RUFY1: variants seen among roughly 807,000 people sequenced by gnomAD.
The protein encoded by RUFY1 is RUN and FYVE domain-containing protein 1.
Under a neutral mutation model 94.6 loss-of-function variants are expected in RUFY1, and 54 were observed. The ratio of observed to expected loss-of-function variants is 0.57; its 90% CI spans 0.46 to 0.72. RUFY1 has a LOEUF of 0.72. RUFY1 is among the 30% of genes least tolerant of loss of function. RUFY1 has a pLI of 0.00. For synonymous variants in RUFY1, 396 were observed against 347.3 expected, an observed-to-expected ratio of 1.14 and a Z score of -1.56; for missense variants, 883 against 883.9, an observed-to-expected ratio of 1.00 and a Z score of 0.01.
intron 6 of RUFY1, among the ~76,000 whole-genome samples, chr5:179,577,756 C>CGGT (rs1164482621): frequency 6.7e-6 from 1 of 150,088 alleles, no homozygotes; most frequent in Non-Finnish European, 1.5e-5. Flanking sequence ...TCACACTCAC[C>CGGT]GGTGGTCGGG....
chr5:179,575,130 A>G (rs921270711), intron 5 of RUFY1, among the ~76,000 whole-genome samples: 2 of 147,466 alleles, frequency 1.4e-5, no homozygotes, highest in Admixed American at 1.4e-4. Context: ...TTTTCTATAC[A>G]TTTATGTTCA....
chr5:179,550,975 C>G, intron 1 of RUFY1, 96 bp downstream of exon 1: 1 of 951,258 alleles, frequency 1.1e-6, no homozygotes, highest in Non-Finnish European at 1.3e-6. Context: ...GGGCACTGGC[C>G]GTTCCGGGAG....
intron 1 of RUFY1, among the ~76,000 whole-genome samples, chr5:179,559,468 GC>G (rs1762274108): frequency 1.3e-5 from 2 of 152,220 alleles, no homozygotes; most frequent in Non-Finnish European, 2.9e-5. Flanking sequence ...CAGGCACCCG[GC>G]TGGCACTATC....
chr5:179,608,791 C>A (rs1468783280), intron 17 of RUFY1, among the ~76,000 whole-genome samples: 1 of 151,898 alleles, frequency 6.6e-6, no homozygotes, highest in Non-Finnish European at 1.5e-5. Flanking sequence ...ACTAACCGGG[C>A]ACGGTGGCAG....
At chr5:179,605,375 C>T (rs1766956985) in intron 15 of RUFY1, among the ~76,000 whole-genome samples, 1 of 152,082 alleles carries the variant, frequency 6.6e-6, no homozygotes, top group South Asian at 2.1e-4. Context: ...ATGTTCAGTC[C>T]TGTCTCTTGT....
chr5:179,609,318 G>C (rs1047846659), intron 17 of RUFY1, 58 bp from the exon 18 acceptor site: 2 of 1,574,290 alleles, frequency 1.3e-6, no homozygotes, highest in Non-Finnish European at 1.7e-6. Flanking sequence ...GAAGCAGGGA[G>C]GGTGTGCGGA....
intron 4 of RUFY1, among the ~76,000 whole-genome samples, chr5:179,567,877 C>T (rs1014306091): frequency 1.3e-5 from 2 of 151,922 alleles, no homozygotes; most frequent in African/African-American, 4.8e-5. Context: ...GCACTCCAGC[C>T]TGGGCGACAG....
chr5:179,564,420 G>GT (rs60186448), intron 3 of RUFY1, among the ~76,000 whole-genome samples: 4,164 of 123,606 alleles, frequency 0.034, 151 homozygotes, highest in African/African-American at 0.096. Flanking sequence ...GTGCCTGGCT[G>GT]TTTTTTTTTT....
chr5:179,602,247 C>T (rs1394165949), intron 15 of RUFY1: 1 of 443,086 alleles, frequency 2.3e-6, no homozygotes, highest in African/African-American at 2.0e-5. Context: ...ACTCCTATTC[C>T]TTAGCTTCAT....
intron 7 of RUFY1, among the ~76,000 whole-genome samples, chr5:179,581,922 C>G (rs758663980): frequency 1.3e-5 from 2 of 151,990 alleles, no homozygotes; most frequent in Non-Finnish European, 2.9e-5. Flanking sequence ...TGGGCTCAAG[C>G]AATCCTCCCA....
At chr5:179,576,502 C>T (rs972803507) in intron 5 of RUFY1, among the ~76,000 whole-genome samples, 5 of 152,200 alleles carry the variant, frequency 3.3e-5, no homozygotes, top group South Asian at 4.1e-4. Flanking sequence ...CTCACTGCAA[C>T]TTCCGCCTCC....
In RUFY1 at chr5:179,569,331, T is replaced by G. The variant is rs1483816834; in HGVS notation, c.734T>G (p.Met245Arg). ...SEFYEPEALM[M>R]EEEGMVIVGL... ...TTCTATGAGCCTGAGGCTTTAATGA[T>G]GGAGGAAGAAGGGATGGTGATTGTT... is the stretch of plus-strand genomic sequence containing the variant. Residue 245 changes from methionine (M) to arginine (R), a missense_variant, in exon 5 of 18, where the codon ATG becomes AGG. Physicochemically the swap from Met to Arg is moderately conservative, Grantham distance 91. Transcript: ENST00000319449. 6.2e-7 allele frequency: 1 copy of G among 1,613,748 alleles called. No individual in the cohort carries two copies. The highest frequency in any genetic ancestry group is 8.5e-7 in the Non-Finnish European group (1 of 1,179,972).
chr5:179,553,635 C>CA lies in RUFY1; in HGVS notation c.310+2761dup, dbSNP rs202019753. ...CCTATCTCTACTAAAAAAAAAAGTA[C>CA]AAAAATTAGCCGGGCTTGGTGGTAC... On this transcript the variant is annotated intron_variant, in intron 1 of 17. Transcript: ENST00000319449. Among the ~76,000 whole-genome samples, 939 of 151,274 alleles carry CA rather than the reference C, an allele frequency of 6.2e-3. 8 individuals are homozygous for CA. The highest frequency in any genetic ancestry group is 0.021 in the African/African-American group (879 of 41,202).
intron 6 of RUFY1, among the ~76,000 whole-genome samples, chr5:179,580,522 G>A (rs1161390727): frequency 3.3e-5 from 5 of 151,030 alleles, no homozygotes; most frequent in South Asian, 2.1e-4. Flanking sequence ...GATTACAGGC[G>A]TGAGCCACCA....
intron 3 of RUFY1, among the ~76,000 whole-genome samples, chr5:179,566,146 A>T (rs1762814667): frequency 6.6e-6 from 1 of 152,140 alleles, no homozygotes; most frequent in Admixed American, 6.6e-5. Context: ...TCCAAAAAAA[A>T]AAAGAAAGTT....
chr5:179,580,397 C>T lies in RUFY1; in HGVS notation c.891-550C>T, dbSNP rs541396405. On this transcript the variant is annotated intron_variant, in intron 6 of 17. Coordinates refer to ENST00000319449, the MANE Select transcript of RUFY1 (RefSeq NM_025158.5). ...AGCTGGGACTACAGGCGCCCGCCAC[C>T]ACGCCCGGCTAATTTTTTGTATTTT... is the stretch of plus-strand genomic sequence containing the variant. 2.8e-4 allele frequency among the ~76,000 whole-genome samples: 43 copies of T among 151,850 alleles called. 1 individual carries two copies. The South Asian group carries it at 6.5e-3, about 23-fold the overall frequency.
At chr5:179,598,937 G>A (rs1266677199) in intron 14 of RUFY1, 116 bp downstream of exon 14, 2 of 1,140,472 alleles carry the variant, frequency 1.8e-6, no homozygotes, top group Non-Finnish European at 2.5e-6. Flanking sequence ...CGGCTCCAGG[G>A]TGTGGGGAGG....
In RUFY1 at chr5:179,590,554, G is replaced by A. The variant is rs192388134; in HGVS notation, c.1128+907G>A. ...GGCTGGAGTGCAGTGGCGTGATCTC[G>A]ACTCACTGCAAGCTCCGCCTCCCAG... On this transcript the variant is annotated intron_variant, in intron 9 of 17. Transcript: ENST00000319449. Among the ~76,000 whole-genome samples the A allele has an allele frequency of 5.2e-3, 765 of 148,332 alleles. 10 individuals carry two copies. The highest frequency in any genetic ancestry group is 0.018 in the African/African-American group (733 of 40,380).
In RUFY1 at chr5:179,561,678, C is replaced by CTTT. The variant is rs71001004; in HGVS notation, c.485-846_485-844dup. Among the ~76,000 whole-genome samples, 604 of 64,578 alleles carry CTTT rather than the reference C, an allele frequency of 9.4e-3. 33 individuals carry two copies. The highest frequency in any genetic ancestry group is 0.011 in the Non-Finnish European group (403 of 35,696). The allele number at this position is 64,578 out of a possible 152,430, so 42.4% of individuals were successfully genotyped here. ...CTATAAGGCAACTGTTTTTTTCTTT[C>CTTT]TTTTTTTTTTTTTTTTTTTTTTTTT... On this transcript the variant is annotated intron_variant, in intron 2 of 17. Coordinates refer to ENST00000319449, the MANE Select transcript of RUFY1 (RefSeq NM_025158.5).
Sources: gnomAD v4.1 joint callset for allele counts (sites outside exome capture counted in the v4.1 genomes callset) on GRCh38, gnomAD v4.1.1 for gene constraint, MANE v1.5 for transcripts, NCBI Gene and HGNC (gene_info 2026-07-23, HGNC 2026-07-21) for gene names.